CSMD1: variants seen among roughly 807,000 people sequenced by gnomAD.
CSMD1 encodes the protein CUB and sushi domain-containing protein 1.
Under a neutral mutation model 417.5 loss-of-function variants are expected in CSMD1, and 213 were observed. The observed-to-expected ratio is 0.51, with a 90% CI of 0.46 to 0.57. The LOEUF (loss-of-function observed/expected upper bound fraction) is 0.57, where lower values mean the gene tolerates loss of function less well. CSMD1 is among the 20% of genes least tolerant of loss of function. The pLI is 0.00. For missense variants in CSMD1, 6,923 were observed against 4,529.7 expected (o/e 1.53, Z -15.17); for synonymous variants, 2,862 against 1,736.8 (o/e 1.65, Z -16.11).
intron 7 of CSMD1, among the ~76,000 whole-genome samples, chr8:3,658,093 G>A (rs1230400948): frequency 6.6e-6 from 1 of 152,082 alleles, no homozygotes; most frequent in East Asian, 1.9e-4. Context: ...TTATCACAAT[G>A]CTAGCAACAT....
intron 6 of CSMD1, among the ~76,000 whole-genome samples, chr8:3,731,561 G>T (rs148691696): frequency 6.6e-6 from 1 of 152,198 alleles, no homozygotes; most frequent in South Asian, 2.1e-4. Context: ...GATTCCACCC[G>T]TGAAGAATCT....
At chr8:4,882,628 C>T (rs1205538767) in intron 1 of CSMD1, among the ~76,000 whole-genome samples, 1 of 151,896 alleles carries the variant, frequency 6.6e-6, no homozygotes, top group Admixed American at 6.6e-5. Context: ...AACTATCCAC[C>T]GGGTTTCCCA....
chr8:4,653,857 C>T (rs1804061501), intron 1 of CSMD1, among the ~76,000 whole-genome samples: 1 of 152,084 alleles, frequency 6.6e-6, no homozygotes, highest in Non-Finnish European at 1.5e-5. Context: ...CTGAAGAAGA[C>T]ATGCATTTTT....
intron 3 of CSMD1, among the ~76,000 whole-genome samples, chr8:4,165,230 T>G (rs1162766624): frequency 6.6e-6 from 1 of 152,202 alleles, no homozygotes; most frequent in Admixed American, 6.5e-5. Context: ...GGTGTCACTG[T>G]TCTTTTCAAA....
Position 2,942,339 on chromosome 8 carries a change from A to AT in CSMD1, c.10535+132dup. Reference sequence around the variant, plus strand: ...ACCCCGGAACTCAAAATAAAAGTTGATTTAAAAAAAAAAAAAGAACATTGC... The same window carrying AT: ...ACCCCGGAACTCAAAATAAAAGTTGATTTTAAAAAAAAAAAAAGAACATTGC... On this transcript the variant is annotated intron_variant, in intron 69 of 69. Transcript: ENST00000635120. 7 of 860,258 alleles carry AT rather than the reference A, an allele frequency of 8.1e-6. No homozygotes were observed. In the South Asian group the frequency reaches 1.4e-4, roughly 17 times the overall value. The allele number at this position is 860,258 out of a possible 1,614,324, so 53.3% of individuals were successfully genotyped here. A position where few individuals can be genotyped will look rare whatever the true frequency, so the allele number is the denominator to read the frequency against.
intron 26 of CSMD1, among the ~76,000 whole-genome samples, chr8:3,247,979 C>T (rs1799996158): frequency 1.3e-5 from 2 of 152,144 alleles, no homozygotes; most frequent in Admixed American, 6.5e-5. Flanking sequence ...CTGCAGGTCG[C>T]CAATTGTTTA....
chr8:4,582,932 G>A (rs1038389573), intron 2 of CSMD1, among the ~76,000 whole-genome samples: 8 of 152,324 alleles, frequency 5.3e-5, no homozygotes, highest in South Asian at 2.1e-4. Context: ...GCAGCTGGCC[G>A]GCCCTGCCGG....
intron 11 of CSMD1, among the ~76,000 whole-genome samples, chr8:3,473,931 G>C (rs544933299): frequency 6.6e-6 from 1 of 152,260 alleles, no homozygotes; most frequent in South Asian, 2.1e-4. Flanking sequence ...ATGGCAGGAG[G>C]AGAGAGCATG....
intron 3 of CSMD1, among the ~76,000 whole-genome samples, chr8:4,041,316 C>T (rs926747562): frequency 2.0e-5 from 3 of 152,130 alleles, no homozygotes; most frequent in Non-Finnish European, 2.9e-5. Context: ...CGCGCCTGGC[C>T]GGGCCTTTGC....
At chr8:3,388,028 C>G (rs1223252352) in intron 17 of CSMD1, among the ~76,000 whole-genome samples, 3 of 152,108 alleles carry the variant, frequency 2.0e-5, no homozygotes, top group Admixed American at 1.3e-4. Flanking sequence ...TTTTCACCAC[C>G]ACTCTCCCTG....
intron 5 of CSMD1, among the ~76,000 whole-genome samples, chr8:3,828,640 C>G (rs925372834): frequency 1.3e-5 from 2 of 152,110 alleles, no homozygotes. Context: ...CATCGTCACA[C>G]CTATTTTAAT....
chr8:4,195,975 A>G (rs801500), intron 3 of CSMD1, among the ~76,000 whole-genome samples: 148,866 of 152,116 alleles, frequency 0.98, 72,922 homozygotes, highest in Middle Eastern at 1. Context: ...ACTTTGGGGC[A>G]CCGAGGTGAG....
At chr8:4,521,972 T>C (rs1803476032) in intron 2 of CSMD1, among the ~76,000 whole-genome samples, 1 of 152,214 alleles carries the variant, frequency 6.6e-6, no homozygotes, top group Non-Finnish European at 1.5e-5. Context: ...CCTGCCTTTT[T>C]GTATCCTAGT....
intron 1 of CSMD1, among the ~76,000 whole-genome samples, chr8:4,690,014 A>G (rs1806664454): frequency 6.6e-6 from 1 of 152,226 alleles, no homozygotes; most frequent in Non-Finnish European, 1.5e-5. Context: ...ATAAATAAAT[A>G]AAGCAATGGG....
intron 5 of CSMD1, among the ~76,000 whole-genome samples, chr8:3,917,605 C>T (rs887832954): frequency 3.6e-5 from 1 of 27,894 alleles, no homozygotes; most frequent in Non-Finnish European, 8.6e-5. Flanking sequence ...AGATTGGCTT[C>T]ATATTTATAT....
intron 3 of CSMD1, among the ~76,000 whole-genome samples, chr8:4,275,446 C>G (rs999748738): frequency 6.6e-6 from 1 of 151,764 alleles, no homozygotes; most frequent in Admixed American, 6.6e-5. Context: ...ATACTATGGC[C>G]TTTATTTAAA....
chr8:3,185,926 C>A (rs923301012), intron 36 of CSMD1, among the ~76,000 whole-genome samples: 6 of 152,022 alleles, frequency 3.9e-5, no homozygotes, highest in African/African-American at 9.7e-5. Flanking sequence ...GCATGGCTCC[C>A]GTGACTTGAA....
intron 1 of CSMD1, among the ~76,000 whole-genome samples, chr8:4,947,237 C>T (rs1808429052): frequency 6.6e-6 from 1 of 152,136 alleles, no homozygotes; most frequent in South Asian, 2.1e-4. Flanking sequence ...TGACTTCAAA[C>T]AGTGAAATTT....
chr8:4,889,096 C>T (rs573903696), intron 1 of CSMD1, among the ~76,000 whole-genome samples: 5 of 152,148 alleles, frequency 3.3e-5, no homozygotes, highest in Admixed American at 2.6e-4. Context: ...TGATGAGAAA[C>T]GGAATATGTG....
Sources: allele counts gnomAD v4.1 joint callset (sites outside exome capture counted in the v4.1 genomes callset), GRCh38; gene constraint gnomAD v4.1.1; transcripts MANE v1.5; gene names NCBI Gene and HGNC (gene_info 2026-07-23, HGNC 2026-07-21).